POLR1F: variants seen among roughly 807,000 people sequenced by gnomAD.
The protein encoded by POLR1F is RNA polymerase I subunit F.
A neutral mutation model predicts 21.8 loss-of-function variants in POLR1F; 23 were observed. The observed-to-expected ratio is 1.05, with a 90% CI of 0.76 to 1.49. The LOEUF (loss-of-function observed/expected upper bound fraction) is 1.49, where lower values mean the gene tolerates loss of function less well. POLR1F is among the 40% of genes most tolerant of loss of function. The pLI, the probability that POLR1F is intolerant of heterozygous loss-of-function variation, is 0.00. For missense variants in POLR1F, 435 were observed against 412.1 expected (o/e 1.06, Z -0.48); for synonymous variants, 162 against 152.8 (o/e 1.06, Z -0.45).
At chr7:19,707,569 G>A (rs1783547446) in intron 1 of POLR1F, among the ~76,000 whole-genome samples, 1 of 152,062 alleles carries the variant, frequency 6.6e-6, no homozygotes, top group Non-Finnish European at 1.5e-5. Context: ...TCCAGTATCC[G>A]TTTGTTTATG....
At chr7:19,700,003 AT>A in intron 3 of POLR1F, 68 bp downstream of exon 3, 1 of 1,307,002 alleles carries the variant, frequency 7.7e-7, no homozygotes. Flanking sequence ...TTAAAATAAA[AT>A]TCTCTTTAAA....
At chr7:19,705,717 C>T (rs946786574) in intron 1 of POLR1F, among the ~76,000 whole-genome samples, 5 of 152,194 alleles carry the variant, frequency 3.3e-5, no homozygotes, top group Non-Finnish European at 5.9e-5. Flanking sequence ...ATTTTTCAAA[C>T]TGTTATTTCT....
rs555801174 is a variant in POLR1F, at chr7:19,697,418, AT to A, written c.*897del. On this transcript the variant is annotated 3_prime_UTR_variant, in exon 4 of 4. Coordinates refer to ENST00000222567, the MANE Select transcript of POLR1F (RefSeq NM_001002926.2). ...GATTACCAGCTTCAACCAGCTTGTC[AT>A]TTCATTACACTTTGTCAATTAGTCA... 171 of 152,272 alleles carry A rather than the reference AT, an allele frequency of 1.1e-3. 2 individuals carry two copies. Among genetic ancestry groups the A allele is most frequent in the African/African-American group, 4.0e-3 (168 of 41,578 alleles). The allele number at this position is 152,272 out of a possible 1,614,324, so 9.4% of individuals were successfully genotyped here.
In POLR1F at chr7:19,708,997, T is replaced by C. The variant is rs1583404701; in HGVS notation, c.20A>G (p.Glu7Gly). 8 of 1,592,052 alleles carry C rather than the reference T, an allele frequency of 5.0e-6. No individual in the cohort carries two copies. The highest frequency in any genetic ancestry group is 6.8e-6 in the Non-Finnish European group (8 of 1,168,310). The stretch of plus-strand genomic sequence containing the variant: ...AGAAGCCGCCGCTGGCCGCGGCGCC[T>C]CTGAGCAACCTGCAGCCATGCTGCT... MAAGCS[E>G]APRPAAASDG... Residue 7 changes from glutamate to glycine, a missense_variant, in exon 1 of 4, where the codon GAG becomes GGG. Transcript: ENST00000222567.
intron 3 of POLR1F, among the ~76,000 whole-genome samples, chr7:19,699,255 T>A (rs1451880386): frequency 6.6e-6 from 1 of 152,194 alleles, no homozygotes; most frequent in East Asian, 1.9e-4. Flanking sequence ...ACATTGTGAA[T>A]TATTTTACAC....
intron 1 of POLR1F, 40 bp from the exon 2 acceptor site, chr7:19,704,960 C>G: frequency 1.3e-6 from 2 of 1,538,086 alleles, no homozygotes; most frequent in Non-Finnish European, 1.7e-6. Context: ...CTTTTATCGT[C>G]TTTTATTTAT....
At chr7:19,704,438 A>G (rs1197353228) in intron 2 of POLR1F, among the ~76,000 whole-genome samples, 1 of 152,178 alleles carries the variant, frequency 6.6e-6, no homozygotes, top group Admixed American at 6.5e-5. Context: ...ATATACTGCT[A>G]TATTCTTTGA....
At chr7:19,698,760 C>A (rs999679899) in intron 3 of POLR1F, 33 bp from the exon 4 acceptor site, 3 of 1,477,170 alleles carry the variant, frequency 2.0e-6, no homozygotes, top group Non-Finnish European at 1.8e-6. Context: ...ATTAACAGAA[C>A]AATAAGCAAA....
chr7:19,703,380 G>A (rs1219634949), intron 2 of POLR1F, among the ~76,000 whole-genome samples: 2 of 152,124 alleles, frequency 1.3e-5, no homozygotes, highest in African/African-American at 4.8e-5. Flanking sequence ...CAGACCTGAC[G>A]AAATTCACTG....
chr7:19,700,589 G>GA (rs997351626), intron 2 of POLR1F, among the ~76,000 whole-genome samples: 1 of 151,684 alleles, frequency 6.6e-6, no homozygotes. Context: ...CCCTGTCCAA[G>GA]AAAAAAAACC....
In POLR1F at chr7:19,696,555, G is replaced by A. The variant is rs1159366168; in HGVS notation, c.*1761C>T. 6.6e-6 allele frequency: 1 copy of A among 152,000 alleles called. No individual in the cohort carries two copies. Among genetic ancestry groups the A allele is most frequent in the African/African-American group, 2.4e-5 (1 of 41,404 alleles). 9.4% of individuals were successfully genotyped at this position (152,000 alleles called of 1,614,324 possible). On this transcript the variant is annotated 3_prime_UTR_variant, in exon 4 of 4. Transcript: ENST00000222567. ...GTATACTCAAATTTTAAAATGTGAA[G>A]GGAACACTTACTAAGCATTTCCTGG...
chr7:19,698,379 C>T lies in POLR1F; in HGVS notation c.954G>A (p.Glu318=), dbSNP rs2128005929. Residue 318 remains glutamate (E), a synonymous_variant, in exon 4 of 4, where the codon GAG becomes GAA. Coordinates refer to ENST00000222567, the MANE Select transcript of POLR1F (RefSeq NM_001002926.2). ...KKKKKRKHSE[E]AEFTPPLKCS... ...ATTTCAAAGGTGGGGTAAATTCGGC[C>T]TCTTCACTGTGTTTTCTTTTCTTTT... is the stretch of plus-strand genomic sequence containing the variant. 2 of 1,590,704 alleles carry T rather than the reference C, an allele frequency of 1.3e-6. No homozygotes were observed. Among genetic ancestry groups the T allele is most frequent in the East Asian group, 2.2e-5 (1 of 44,700 alleles).
rs2128006211 is a variant in POLR1F, at chr7:19,700,188, A to C, written c.489T>G (p.Ala163=). The change falls in exon 3 of 4, where the codon GCT becomes GCG. Residue 163 remains alanine (A), a synonymous_variant. Coordinates refer to ENST00000222567, the MANE Select transcript of POLR1F (RefSeq NM_001002926.2). ...TTATCTCCATGGTTTGCCACTGCTCAGCTGACAACTGCTCAGGTTTAGGAA... is the reference window on the plus strand; with the variant it reads ...TTATCTCCATGGTTTGCCACTGCTCCGCTGACAACTGCTCAGGTTTAGGAA... ...ASIPKPEQLS[A]EQWQTMEINM... The C allele has an allele frequency of 6.2e-7, 1 of 1,613,954 alleles. No individual in the cohort carries two copies. Among genetic ancestry groups the C allele is most frequent in the Non-Finnish European group, 8.5e-7 (1 of 1,179,846 alleles).
At chr7:19,701,237 A>G (rs59113291) in intron 2 of POLR1F, among the ~76,000 whole-genome samples, 27,030 of 152,214 alleles carry the variant, frequency 0.18, 3,138 homozygotes, top group East Asian at 0.62. Flanking sequence ...TCACCATAAA[A>G]AGACATAGCG....
chr7:19,702,347 C>A (rs920914441), intron 2 of POLR1F, among the ~76,000 whole-genome samples: 5 of 152,052 alleles, frequency 3.3e-5, no homozygotes, highest in Non-Finnish European at 7.4e-5. Flanking sequence ...ATATATGAAT[C>A]CAGAACAACG....
chr7:19,703,843 C>G (rs1430592839), intron 2 of POLR1F, among the ~76,000 whole-genome samples: 1 of 152,170 alleles, frequency 6.6e-6, no homozygotes, highest in African/African-American at 2.4e-5. Flanking sequence ...ATCCTCCTGC[C>G]TCAGCTTCCC....
At chr7:19,704,627 T>C in intron 2 of POLR1F, 152 bp downstream of exon 2, 1 of 700,620 alleles carries the variant, frequency 1.4e-6, no homozygotes, top group Non-Finnish European at 2.2e-6. Context: ...TACGTTTGAA[T>C]GATACAAATT....
At position 19,708,861 on chromosome 7, in the gene POLR1F, C is replaced by G. The variant is rs776220301; in HGVS notation, c.156G>C (p.Pro52=). 1.9e-6 allele frequency: 3 copies of G among 1,614,148 alleles called. No individual in the cohort carries two copies. The East Asian group carries it at 6.7e-5, about 36-fold the overall frequency. The change falls in exon 1 of 4, where the codon CCG becomes CCC. Residue 52 remains proline, a synonymous_variant. Coordinates refer to ENST00000222567, the MANE Select transcript of POLR1F (RefSeq NM_001002926.2). The part of the protein sequence containing the change: ...NSRYSCLVAG[P]HQRHIALSPR... Reference sequence around the variant, plus strand: ...GCGACAGCGCGATGTGCCTTTGGTGCGGCCCGGCCACCAGGCATGAGTAGC... The same window carrying G: ...GCGACAGCGCGATGTGCCTTTGGTGGGGCCCGGCCACCAGGCATGAGTAGC...
intron 2 of POLR1F, among the ~76,000 whole-genome samples, chr7:19,703,235 C>G (rs1249822055): frequency 6.6e-6 from 1 of 151,994 alleles, no homozygotes; most frequent in South Asian, 2.1e-4. Context: ...ATGAATAATT[C>G]CATTAATATG....
Sources: allele counts gnomAD v4.1 joint callset (sites outside exome capture counted in the v4.1 genomes callset), GRCh38; gene constraint gnomAD v4.1.1; transcripts MANE v1.5; gene names NCBI Gene and HGNC (gene_info 2026-07-23, HGNC 2026-07-21).